Variants in MAOB observed in about 807,000 individuals in gnomAD.
The protein encoded by MAOB is amine oxidase [flavin-containing] B.
A neutral mutation model predicts 41.9 loss-of-function variants in MAOB; 15 were observed. The observed-to-expected ratio is 0.36, with a 90% CI of 0.24 to 0.55. The LOEUF (loss-of-function observed/expected upper bound fraction) is 0.55. MAOB is among the 20% of genes least tolerant of loss of function. The pLI is 0.86. For synonymous variants in MAOB, 167 were observed against 144.2 expected (o/e 1.16, Z -1.13); for missense variants, 345 against 398.7 (o/e 0.87, Z 1.15).
At chrX:43,799,320 G>A (rs1005497529) in intron 5 of MAOB, among the ~76,000 whole-genome samples, 2 of 112,119 alleles carry the variant, frequency 1.8e-5, no homozygotes, top group Non-Finnish European at 3.8e-5. Flanking sequence ...ATATCCAGAC[G>A]TCAATTTAAA....
rs779454703 is a variant in MAOB, at chrX:43,795,896, G to A, written c.619-8C>T. ...GCCCACAAATTTCCTCTCCTGGAAA[G>A]AGAAAAGGAGGTGAAAGAGAAACGC... On this transcript the variant is annotated splice_region_variant and splice_polypyrimidine_tract_variant and intron_variant, in intron 6 of 14. Transcript: ENST00000378069. 19 of 1,199,328 alleles carry A rather than the reference G, an allele frequency of 1.6e-5. No individual in the cohort carries two copies. In the South Asian group the frequency reaches 2.6e-4, roughly 16 times the overall value.
intron 1 of MAOB, among the ~76,000 whole-genome samples, chrX:43,860,650 T>C (rs1360157695): frequency 1.8e-5 from 2 of 111,702 alleles, no homozygotes; most frequent in African/African-American, 6.5e-5. Flanking sequence ...TCTCAGGGTA[T>C]CTTTCAAAAC....
chrX:43,826,550 C>T (rs2034949753), intron 3 of MAOB, among the ~76,000 whole-genome samples: 1 of 112,308 alleles, frequency 8.9e-6, no homozygotes, highest in Non-Finnish European at 1.9e-5. Context: ...TAGAATACCA[C>T]AGACTGAATA....
At position 43,798,326 on chromosome X, in the gene MAOB, G is replaced by C. The variant is rs1180805245; in HGVS notation, c.477-1060C>G. On this transcript the variant is annotated intron_variant, in intron 5 of 14. Transcript: ENST00000378069. Reference sequence around the variant, plus strand: ...TGCATGATTGAACGAATGAATGATTGATGAGAAATATCAGTTAAACAAAAT... The same window carrying C: ...TGCATGATTGAACGAATGAATGATTCATGAGAAATATCAGTTAAACAAAAT... 2.7e-5 allele frequency among the ~76,000 whole-genome samples: 3 copies of C among 112,251 alleles called. No individual in the cohort carries two copies. The South Asian group carries it at 1.1e-3, about 41-fold the overall frequency.
At chrX:43,828,009 C>A (rs1602009325) in intron 3 of MAOB, among the ~76,000 whole-genome samples, 1 of 111,394 alleles carries the variant, frequency 9.0e-6, no homozygotes, top group South Asian at 3.8e-4. Context: ...AAAATAGCAG[C>A]AGCACAACTA....
intron 10 of MAOB, among the ~76,000 whole-genome samples, chrX:43,778,960 T>C (rs2034295742): frequency 8.9e-6 from 1 of 112,030 alleles, no homozygotes; most frequent in Non-Finnish European, 1.9e-5. Context: ...CTGGTAAGTC[T>C]TTAAGAAAGT....
chrX:43,877,332 A>G (rs1421109468), intron 1 of MAOB, among the ~76,000 whole-genome samples: 1 of 110,541 alleles, frequency 9.0e-6, no homozygotes, highest in Non-Finnish European at 1.9e-5. Context: ...TGCCCTGGTG[A>G]CTTCTGAGGA....
chrX:43,809,355 C>A (rs2034713083), intron 3 of MAOB, among the ~76,000 whole-genome samples: 1 of 112,362 alleles, frequency 8.9e-6, no homozygotes, highest in South Asian at 3.7e-4. Context: ...AAACCAAAAA[C>A]AGAGTAAATG....
At chrX:43,834,062 A>C (rs1357245122) in intron 3 of MAOB, among the ~76,000 whole-genome samples, 1 of 112,289 alleles carries the variant, frequency 8.9e-6, no homozygotes, top group Non-Finnish European at 1.9e-5. Flanking sequence ...TTCCATAATA[A>C]GACATATTTG....
intron 1 of MAOB, among the ~76,000 whole-genome samples, chrX:43,849,628 G>T (rs2035235234): frequency 8.9e-6 from 1 of 112,954 alleles, no homozygotes; most frequent in Non-Finnish European, 1.9e-5. Flanking sequence ...CCCTTGGGCA[G>T]GGCACCACCT....
intron 3 of MAOB, among the ~76,000 whole-genome samples, chrX:43,838,462 T>C: frequency 8.9e-6 from 1 of 112,248 alleles, no homozygotes; most frequent in East Asian, 2.8e-4. Context: ...AATGATAAAA[T>C]GTAAGAATAT....
intron 2 of MAOB, among the ~76,000 whole-genome samples, chrX:43,839,692 T>C (rs770764579): frequency 9.8e-5 from 11 of 112,239 alleles, no homozygotes; most frequent in African/African-American, 1.6e-4. Flanking sequence ...CCTTCAAAAA[T>C]GCAATTTTCA....
intron 12 of MAOB, among the ~76,000 whole-genome samples, chrX:43,770,652 A>G (rs1464400111): frequency 9.0e-6 from 1 of 111,709 alleles, no homozygotes; most frequent in East Asian, 2.8e-4. Context: ...TCATTTTTAC[A>G]TATGAGAAGA....
At chrX:43,825,468 T>C (rs2034934102) in intron 3 of MAOB, among the ~76,000 whole-genome samples, 1 of 110,726 alleles carries the variant, frequency 9.0e-6, no homozygotes, top group African/African-American at 3.3e-5. Flanking sequence ...ACCTCCTCAG[T>C]GAGGCCCTCC....
At chrX:43,804,371 A>G (rs1226414179) in intron 3 of MAOB, among the ~76,000 whole-genome samples, 2 of 111,413 alleles carry the variant, frequency 1.8e-5, no homozygotes, top group Admixed American at 1.9e-4. Flanking sequence ...CAACAAGGCC[A>G]TAAGATTCTC....
chrX:43,797,210 T>C lies in MAOB; in HGVS notation c.533A>G (p.His178Arg). ...CAGGAACCAGAGAGCAGAGACCTCA[T>C]GGGTCTCTGCAGTGACACACAGGTT... ...FVNLCVTAET[H>R]EVSALWFLWY... Residue 178 changes from histidine to arginine, a missense_variant, in exon 6 of 15, where the codon CAT becomes CGT. Physicochemically the swap from His to Arg is conservative, Grantham distance 29 (BLOSUM62 0). Coordinates refer to ENST00000378069, the MANE Select transcript of MAOB (RefSeq NM_000898.5). 1 of 1,200,990 alleles carries C rather than the reference T, an allele frequency of 8.3e-7. No individual in the cohort carries two copies. The highest frequency in any genetic ancestry group is 1.7e-5 in the African/African-American group (1 of 57,654).
chrX:43,807,869 G>A (rs2147142218), intron 3 of MAOB, among the ~76,000 whole-genome samples: 1 of 111,858 alleles, frequency 8.9e-6, no homozygotes, highest in African/African-American at 3.2e-5. Flanking sequence ...CCTTGAACTT[G>A]TCATTTATTT....
At chrX:43,824,609 G>A (rs1440539730) in intron 3 of MAOB, among the ~76,000 whole-genome samples, 2 of 111,693 alleles carry the variant, frequency 1.8e-5, no homozygotes, top group Admixed American at 1.9e-4. Flanking sequence ...CTTGAACCTG[G>A]GAGGTAGAGG....
chrX:43,836,850 G>A (rs775094514), intron 3 of MAOB, among the ~76,000 whole-genome samples: 1 of 112,339 alleles, frequency 8.9e-6, no homozygotes, highest in Non-Finnish European at 1.9e-5. Context: ...TATTAAGTAA[G>A]GACTACTGCT....
Sources: gnomAD v4.1 joint callset for allele counts (sites outside exome capture counted in the v4.1 genomes callset) on GRCh38, gnomAD v4.1.1 for gene constraint, MANE v1.5 for transcripts, NCBI Gene and HGNC (gene_info 2026-07-23, HGNC 2026-07-21) for gene names.